GSE1: variants seen among roughly 807,000 people sequenced by gnomAD.
The protein encoded by GSE1 is Gse1 coiled-coil protein, also known as genetic suppressor element 1.
Under a neutral mutation model 112.6 loss-of-function variants are expected in GSE1, and 32 were observed. The ratio of observed to expected loss-of-function variants is 0.28; its 90% CI spans 0.21 to 0.38. The LOEUF is 0.38. Ranked by LOEUF, GSE1 falls within the 10% of genes least tolerant of loss-of-function variation. The pLI is 1.00. For missense variants in GSE1, 2,348 were observed against 1,699.2 expected (o/e 1.38, Z -6.71); for synonymous variants, 1,115 against 735.6 (o/e 1.52, Z -8.35).
At position 85,373,366 on chromosome 16, in the gene GSE1, T is replaced by C. The variant is rs1261191324; in HGVS notation, c.2464+15723T>C. ...ATCATGGGCTGTTTGTTTGGGTGTC[T>C]CTGGTGTCTTCTCTTGTCAAACAGA... On this transcript the variant is annotated intron_variant, in intron 2 of 2. Transcript: ENST00000637419. This position sits in a 1 kb window ranked among gnomAD's most constrained non-coding sequence, Gnocchi z 5.1. 6.6e-6 allele frequency among the ~76,000 whole-genome samples: 1 copy of C among 152,194 alleles called. No homozygotes were observed. Among genetic ancestry groups the C allele is most frequent in the African/African-American group, 2.4e-5 (1 of 41,456 alleles).
chr16:85,598,201 A>G (rs1288868683), intron 1 of GSE1, among the ~76,000 whole-genome samples: 1 of 109,990 alleles, frequency 9.1e-6, no homozygotes, highest in Non-Finnish European at 1.7e-5. Context: ...TCACTTTCTC[A>G]TCTCTCAGCA....
At chr16:85,499,131 G>GAGTATGAGTAGGACTCT (rs1488819051) in intron 2 of GSE1, among the ~76,000 whole-genome samples, 5 of 147,002 alleles carry the variant, frequency 3.4e-5, no homozygotes, top group African/African-American at 1.3e-4. Context: ...GGTATCCCCT[G>GAGTATGAGTAGGACTCT]AGTATGAGTA....
In GSE1 at chr16:85,427,329, A is replaced by G. The variant is rs114458300; in HGVS notation, c.2464+69686A>G. 5.7e-3 allele frequency among the ~76,000 whole-genome samples: 866 copies of G among 152,314 alleles called. 5 individuals are homozygous for G. The highest frequency in any genetic ancestry group is 0.02 in the African/African-American group (821 of 41,558). On this transcript the variant is annotated intron_variant, in intron 2 of 2. Transcript: ENST00000637419. The stretch of plus-strand genomic sequence containing the variant: ...AGTAGTCACCTTTAAAAAAGAAGAA[A>G]GAGTGAAATTGATTTTAACAATATG...
chr16:85,304,360 G>A (rs2045608675), intron 1 of GSE1, among the ~76,000 whole-genome samples: 1 of 152,170 alleles, frequency 6.6e-6, no homozygotes, highest in Admixed American at 6.5e-5. Context: ...GCCCTCGGTG[G>A]GGCCGGGGCT....
rs541524787 is a variant in GSE1, at chr16:85,472,708, G to T, written c.2464+115065G>T. On this transcript the variant is annotated intron_variant, in intron 2 of 2. Transcript: ENST00000637419. ...CAGTCTGACCCTGCTGCTGTCTGCG[G>T]CTCTGTCTGCTTCTGCCACCGGGAA... Among the ~76,000 whole-genome samples the T allele has an allele frequency of 7.9e-5, 12 of 152,336 alleles. No homozygotes were observed. The East Asian group carries it at 9.7e-4, about 12-fold the overall frequency.
intron 2 of GSE1, among the ~76,000 whole-genome samples, chr16:85,461,520 G>A (rs1252630776): frequency 6.6e-6 from 1 of 152,164 alleles, no homozygotes; most frequent in African/African-American, 2.4e-5. Context: ...GGGGGAGGGG[G>A]CGCTGTGGTT....
intron 14 of GSE1, among the ~76,000 whole-genome samples, chr16:85,669,033 G>A (rs554381023): frequency 9.8e-5 from 15 of 152,384 alleles, no homozygotes; most frequent in Non-Finnish European, 1.8e-4. Flanking sequence ...AGCACCAGGC[G>A]GACTCAGGCC....
intron 2 of GSE1, among the ~76,000 whole-genome samples, chr16:85,363,855 C>T (rs1391795280): frequency 2.6e-5 from 4 of 152,292 alleles, no homozygotes; most frequent in South Asian, 2.1e-4. Context: ...GCATGCCCTC[C>T]GTCTCTACTC....
chr16:85,331,044 A>G (rs1231837965), intron 1 of GSE1, among the ~76,000 whole-genome samples: 1 of 152,084 alleles, frequency 6.6e-6, no homozygotes, highest in Non-Finnish European at 1.5e-5. Flanking sequence ...TAGGCTGGGC[A>G]CCTAGCCTCT....
intron 2 of GSE1, among the ~76,000 whole-genome samples, chr16:85,399,694 G>A (rs143596638): frequency 0.017 from 2,586 of 152,340 alleles, 32 homozygotes; most frequent in Non-Finnish European, 0.026. Flanking sequence ...CCGTAGGCGT[G>A]GGGGATGCCG....
chr16:85,534,363 C>A (rs1598094906), intron 2 of GSE1, among the ~76,000 whole-genome samples: 1 of 152,152 alleles, frequency 6.6e-6, no homozygotes, highest in African/African-American at 2.4e-5. Context: ...CTCAAGTGAT[C>A]CGCCCACCTC....
At chr16:85,188,270 G>GTCTA (rs35354311) in intron 1 of GSE1, among the ~76,000 whole-genome samples, 7 of 59,838 alleles carry the variant, frequency 1.2e-4, no homozygotes, top group Middle Eastern at 8.1e-3. Context: ...CTGCCTGACC[G>GTCTA]TCTGTCTGCG....
chr16:85,658,689 C>A (rs2052177114), intron 8 of GSE1, among the ~76,000 whole-genome samples: 1 of 152,230 alleles, frequency 6.6e-6, no homozygotes, highest in Non-Finnish European at 1.5e-5. Flanking sequence ...TCTCCCAGCC[C>A]CCGTCCCTGA....
chr16:85,456,080 C>A (rs542829207), intron 2 of GSE1, among the ~76,000 whole-genome samples: 29 of 152,344 alleles, frequency 1.9e-4, no homozygotes, highest in Non-Finnish European at 3.4e-4. Flanking sequence ...CCCTCCCTCT[C>A]AACTCATCCT....
At chr16:85,589,335 GGA>G (rs2046861589) in intron 1 of GSE1, among the ~76,000 whole-genome samples, 1 of 152,214 alleles carries the variant, frequency 6.6e-6, no homozygotes, top group Non-Finnish European at 1.5e-5. Flanking sequence ...AGGTGGAGAG[GGA>G]GAGGGCTGTG....
chr16:85,297,791 G>A (rs1276832287), intron 1 of GSE1, among the ~76,000 whole-genome samples: 12 of 152,174 alleles, frequency 7.9e-5, no homozygotes, highest in Admixed American at 2.6e-4. Flanking sequence ...GACTACAGAC[G>A]TGAGCCACTG....
At chr16:85,517,281 C>A (rs1229743246) in intron 2 of GSE1, among the ~76,000 whole-genome samples, 1 of 152,128 alleles carries the variant, frequency 6.6e-6, no homozygotes, top group African/African-American at 2.4e-5. Context: ...AGGACACACG[C>A]AGGGGCCTAG....
At chr16:85,302,735 G>A (rs1214533570) in intron 1 of GSE1, among the ~76,000 whole-genome samples, 1 of 152,208 alleles carries the variant, frequency 6.6e-6, no homozygotes, top group Admixed American at 6.5e-5. Context: ...GGGGGCCCAG[G>A]CATCTGAACC....
intron 3 of GSE1, among the ~76,000 whole-genome samples, chr16:85,649,856 A>C (rs1295422061): frequency 1.3e-5 from 2 of 152,144 alleles, no homozygotes; most frequent in Non-Finnish European, 2.9e-5. Context: ...CCACCTGCTC[A>C]TCATCAGGGC....
Sources: allele counts gnomAD v4.1 joint callset (sites outside exome capture counted in the v4.1 genomes callset), GRCh38; gene constraint gnomAD v4.1.1; non-coding constraint Gnocchi (gnomAD v3.1); transcripts MANE v1.5; gene names NCBI Gene and HGNC (gene_info 2026-07-23, HGNC 2026-07-21).